The following PDE4A variants were observed in gnomAD, a reference collection of about 807,000 sequenced individuals.
The protein encoded by PDE4A is 3',5'-cyclic-AMP phosphodiesterase 4A.
A neutral mutation model predicts 73.9 loss-of-function variants in PDE4A; 21 were observed. The observed-to-expected ratio is 0.28, with a 90% confidence interval of 0.20 to 0.41. The LOEUF is 0.41. PDE4A is among the 10% of genes least tolerant of loss of function. The pLI, the probability that PDE4A is intolerant of heterozygous loss-of-function variation, is 1.00. For synonymous variants in PDE4A, 463 were observed against 505.4 expected, an observed-to-expected ratio of 0.92 and a Z score of 1.13; for missense variants, 958 against 1,211.4, an observed-to-expected ratio of 0.79 and a Z score of 3.10.
upstream of PDE4A, chr19:10,417,736 C>T (rs779552621): frequency 2.5e-6 from 4 of 1,588,008 alleles, no homozygotes; most frequent in Admixed American, 1.7e-5. Flanking sequence ...CGCCGCCTCT[C>T]GTCCGGTCCT....
intron 1 of PDE4A, chr19:10,432,492 C>G: frequency 6.6e-7 from 1 of 1,514,238 alleles, no homozygotes; most frequent in South Asian, 1.3e-5. Flanking sequence ...GGCACTGCCC[C>G]CCACGGGCCC....
At chr19:10,445,570 C>T (rs11671552) in intron 1 of PDE4A, among the ~76,000 whole-genome samples, 9,015 of 152,052 alleles carry the variant, frequency 0.059, 372 homozygotes, top group Non-Finnish European at 0.093. Context: ...GTGTTTGAGA[C>T]CAGCCTGGCC....
intron 1 of PDE4A, among the ~76,000 whole-genome samples, chr19:10,443,040 G>T (rs1311280566): frequency 6.6e-6 from 1 of 151,940 alleles, no homozygotes; most frequent in Non-Finnish European, 1.5e-5. Context: ...TTATCTGGGT[G>T]TGGTGGCACG....
chr19:10,442,540 A>G (rs183801930), intron 1 of PDE4A, among the ~76,000 whole-genome samples: 41 of 152,166 alleles, frequency 2.7e-4, no homozygotes, highest in African/African-American at 8.7e-4. Flanking sequence ...AAAACAAAGC[A>G]AAACAAAAAT....
At chr19:10,430,496 G>A (rs1399572944) in intron 1 of PDE4A, among the ~76,000 whole-genome samples, 2 of 152,090 alleles carry the variant, frequency 1.3e-5, no homozygotes, top group Non-Finnish European at 2.9e-5. Flanking sequence ...AGACTGTGGG[G>A]TGGCTCCTGG....
intron 1 of PDE4A, among the ~76,000 whole-genome samples, chr19:10,435,520 C>T (rs2042853228): frequency 6.6e-6 from 1 of 151,892 alleles, no homozygotes; most frequent in Admixed American, 6.6e-5. Flanking sequence ...ATGATCGCCC[C>T]ACTGCACTGC....
chr19:10,429,558 G>C (rs1395974415), intron 1 of PDE4A, among the ~76,000 whole-genome samples: 3 of 152,054 alleles, frequency 2.0e-5, no homozygotes, highest in Non-Finnish European at 2.9e-5. Context: ...GGCTGGTCTC[G>C]AACTCCTGGG....
rs754856889 is a variant in PDE4A, at chr19:10,463,804, CATG to C, written c.1756_1758del (p.Met586del). 6.2e-7 allele frequency: 1 copy of C among 1,614,172 alleles called. No individual in the cohort carries two copies. The highest frequency in any genetic ancestry group is 8.5e-7 in the Non-Finnish European group (1 of 1,180,026). On this transcript the variant is annotated inframe_deletion, in exon 14 of 15. Coordinates refer to ENST00000380702, the MANE Select transcript of PDE4A (RefSeq NM_001111307.2). ...CCAACCCCATGCAGGTCCTCCGGAA[CATG>C]GTGCACTGTGCCGACCTCAGCAACC...
upstream of PDE4A, chr19:10,416,834 G>C (rs2042592145): frequency 1.3e-6 from 2 of 1,531,590 alleles, no homozygotes; most frequent in Non-Finnish European, 1.7e-6. Context: ...CCGACCGGCA[G>C]GGGGAGCCCT....
chr19:10,423,155 C>CAA, intron 1 of PDE4A: 3 of 721,402 alleles, frequency 4.2e-6, no homozygotes, highest in South Asian at 6.6e-5. Context: ...AAAACCCTTT[C>CAA]TCTTTTTTTT....
At chr19:10,417,623 C>G (rs554149786), upstream of PDE4A, 39 of 1,548,092 alleles carry the variant, frequency 2.5e-5, no homozygotes, top group Non-Finnish European at 3.1e-5. Flanking sequence ...AGCTTCCCAG[C>G]CAGGCCACGC....
Position 10,449,279 on chromosome 19 carries a change from C to G in PDE4A, c.620+129C>G. 3.2e-6 allele frequency: 3 copies of G among 932,462 alleles called. No homozygotes were observed. The South Asian group carries it at 4.6e-5, about 14-fold the overall frequency. 57.8% of individuals were successfully genotyped at this position (932,462 alleles called of 1,614,324 possible). The stretch of plus-strand genomic sequence containing the variant: ...TGAACCTCTGTTCAGACAACAGCTC[C>G]CAGAAAGCCAGAGAGCCATTGCAGG... On this transcript the variant is annotated intron_variant, in intron 4 of 14. Transcript: ENST00000380702.
chr19:10,465,928 A>C (rs1325804351), intron 14 of PDE4A, among the ~76,000 whole-genome samples: 1 of 146,764 alleles, frequency 6.8e-6, no homozygotes, highest in Non-Finnish European at 1.5e-5. Flanking sequence ...CTTGAACTCC[A>C]GACATCAGGT....
Position 10,467,011 on chromosome 19 carries a change from G to A in PDE4A, c.2051G>A (p.Arg684Gln), listed in dbSNP as rs146370645. The change falls in exon 15 of 15, where the codon CGG becomes CAG. Residue 684 changes from arginine (R) to glutamine (Q), a missense_variant. Transcript: ENST00000380702. ...DNRDWYYSAI[R>Q]QSPSPPPEEE... is the part of the protein sequence containing the mutation. ...CGGGACTGGTACTACAGCGCCATCCGGCAGAGCCCATCTCCGCCACCCGAG... is the reference window on the plus strand; with the variant it reads ...CGGGACTGGTACTACAGCGCCATCCAGCAGAGCCCATCTCCGCCACCCGAG... 5.4e-4 allele frequency: 869 copies of A among 1,614,120 alleles called. 14 individuals carry two copies. In the South Asian group the frequency reaches 8.0e-3, roughly 15 times the overall value.
chr19:10,453,208 G>C lies in PDE4A; in HGVS notation c.784-1621G>C. Reference sequence around the variant, plus strand: ...CCTCCCCAGTGGTTGTTAACCCCGGGACTCCCCAAGCCCAGCCTCTGTGTG... The same window carrying C: ...CCTCCCCAGTGGTTGTTAACCCCGGCACTCCCCAAGCCCAGCCTCTGTGTG... On this transcript the variant is annotated intron_variant, in intron 6 of 14. Transcript: ENST00000380702. The surrounding 1 kb of genome is among the most constrained non-coding windows in gnomAD (Gnocchi z 4.6). 6.4e-7 allele frequency: 1 copy of C among 1,558,992 alleles called. No individual in the cohort carries two copies. Among genetic ancestry groups the C allele is most frequent in the African/African-American group, 1.4e-5 (1 of 73,990 alleles).
At chr19:10,430,951 C>G in intron 1 of PDE4A, 1 of 1,529,908 alleles carries the variant, frequency 6.5e-7, no homozygotes, top group Non-Finnish European at 8.7e-7. Flanking sequence ...CCCCTGGCCC[C>G]GCGCGCGCCC....
intron 1 of PDE4A, chr19:10,432,367 C>T (rs1289829283): frequency 1.5e-6 from 2 of 1,318,554 alleles, no homozygotes; most frequent in African/African-American, 1.6e-5. Context: ...TTGGGCCTGG[C>T]CAGCAGCGCG....
chr19:10,434,558 A>G (rs2042839059), intron 1 of PDE4A, among the ~76,000 whole-genome samples: 1 of 150,190 alleles, frequency 6.7e-6, no homozygotes, highest in Non-Finnish European at 1.5e-5. Flanking sequence ...ACAGTATAGC[A>G]CAATGCCTAG....
Position 10,458,616 on chromosome 19 carries a change from T to G in PDE4A, c.1101+514T>G, listed in dbSNP as rs375997125. 1.3e-5 allele frequency among the ~76,000 whole-genome samples: 2 copies of G among 152,184 alleles called. No individual in the cohort carries two copies. The highest frequency in any genetic ancestry group is 3.9e-4 in the East Asian group (2 of 5,184). ...AGTCACCTGGCCTTTAGTTATTTAT[T>G]TTTATTTATTTATTTATTTTGAGAT... is the stretch of plus-strand genomic sequence containing the variant. On this transcript the variant is annotated intron_variant, in intron 8 of 14. Coordinates refer to ENST00000380702, the MANE Select transcript of PDE4A (RefSeq NM_001111307.2). This position sits in a 1 kb window ranked among gnomAD's most constrained non-coding sequence, Gnocchi z 4.6.
Sources: allele counts gnomAD v4.1 joint callset (sites outside exome capture counted in the v4.1 genomes callset), GRCh38; gene constraint gnomAD v4.1.1; non-coding constraint Gnocchi (gnomAD v3.1); transcripts MANE v1.5; gene names NCBI Gene and HGNC (gene_info 2026-07-23, HGNC 2026-07-21).